PTPN13: variants seen among roughly 807,000 people sequenced by gnomAD.
PTPN13 encodes tyrosine-protein phosphatase non-receptor type 13.
PTPN13 carries 191 observed loss-of-function variants against 284.0 expected under a neutral mutation model. The ratio of observed to expected loss-of-function variants is 0.67; its 90% CI spans 0.60 to 0.76. PTPN13 has a LOEUF of 0.76. Ranked by LOEUF, PTPN13 falls within the 30% of genes least tolerant of loss-of-function variation. The pLI is 0.00. For synonymous variants in PTPN13, 986 were observed against 1,022.3 expected (o/e 0.96, Z 0.68); for missense variants, 2,797 against 2,939.9 (o/e 0.95, Z 1.12).
intron 2 of PTPN13, among the ~76,000 whole-genome samples, chr4:86,641,106 A>T (rs1372837671): frequency 6.6e-6 from 1 of 152,110 alleles, no homozygotes; most frequent in Non-Finnish European, 1.5e-5. Context: ...TTTTTTGTAT[A>T]TTTGATCACA....
At chr4:86,630,247 C>G (rs2148702043) in intron 1 of PTPN13, among the ~76,000 whole-genome samples, 1 of 152,156 alleles carries the variant, frequency 6.6e-6, no homozygotes, top group East Asian at 1.9e-4. Context: ...TTGTATCTGA[C>G]TGACAGAAAA....
chr4:86,793,504 G>A (rs543910930), intron 40 of PTPN13, among the ~76,000 whole-genome samples: 12 of 152,208 alleles, frequency 7.9e-5, no homozygotes, highest in South Asian at 4.1e-4. Context: ...CCAAGTGGAC[G>A]TAATAGATAT....
chr4:86,605,215 A>T (rs993195252), intron 1 of PTPN13, among the ~76,000 whole-genome samples: 2 of 151,968 alleles, frequency 1.3e-5, no homozygotes, highest in Admixed American at 6.6e-5. Flanking sequence ...TGGAGGGTAA[A>T]GGACCAATAG....
chr4:86,616,535 C>T (rs1378001039), intron 1 of PTPN13, among the ~76,000 whole-genome samples: 3 of 116,068 alleles, frequency 2.6e-5, no homozygotes, highest in Non-Finnish European at 5.2e-5. Flanking sequence ...GTATTTAGAT[C>T]GTGGGGCCAT....
At position 86,803,875 on chromosome 4, in the gene PTPN13, A is replaced by G. The variant is rs755032795; in HGVS notation, c.6654+18A>G. 5.6e-6 allele frequency: 9 copies of G among 1,611,770 alleles called. No individual in the cohort carries two copies. Among genetic ancestry groups the G allele is most frequent in the South Asian group, 1.1e-5 (1 of 90,882 alleles). ...AGCTGGAGGTAAGTGGCTTCTGCCA[A>G]TGATTCTCTCCCAAAGTGTATGCAT... On this transcript the variant is annotated intron_variant, in intron 43 of 47. Coordinates refer to ENST00000411767, the MANE Select transcript of PTPN13 (RefSeq NM_080683.3).
At position 86,623,833 on chromosome 4, in the gene PTPN13, T is replaced by C. The variant is rs574312651; in HGVS notation, c.-5-11419T>C. Among the ~76,000 whole-genome samples, 9 of 152,248 alleles carry C rather than the reference T, an allele frequency of 5.9e-5. No homozygotes were observed. In the South Asian group the frequency reaches 1.9e-3, roughly 32 times the overall value. On this transcript the variant is annotated intron_variant, in intron 1 of 47. Transcript: ENST00000411767. The stretch of plus-strand genomic sequence containing the variant: ...ATTGTTATATTTTAAATGTCTACTT[T>C]CTGACTTTCCTGCTATTCCCTAGGC...
chr4:86,780,065 A>C (rs1741117966), intron 35 of PTPN13, among the ~76,000 whole-genome samples: 1 of 152,036 alleles, frequency 6.6e-6, no homozygotes, highest in Admixed American at 6.6e-5. Flanking sequence ...CCCAGAGAAA[A>C]CCTACGTAAA....
chr4:86,701,463 C>A lies in PTPN13; in HGVS notation c.857C>A (p.Pro286His). The change falls in exon 7 of 48, where the codon CCC becomes CAC. Residue 286 changes from proline (P) to histidine (H), a missense_variant. Coordinates refer to ENST00000411767, the MANE Select transcript of PTPN13 (RefSeq NM_080683.3). ...AAAACTAGTGGCCCAGAAAAAAAAC[C>A]CATCCCTGGCATTGATGTGCTTTCT... ...QFKTSGPEKK[P>H]IPGIDVLSKK... 1 of 1,613,756 alleles carries A rather than the reference C, an allele frequency of 6.2e-7. No individual in the cohort carries two copies. Among genetic ancestry groups the A allele is most frequent in the Non-Finnish European group, 8.5e-7 (1 of 1,179,772 alleles).
At chr4:86,662,684 A>T (rs1355140720) in intron 2 of PTPN13, among the ~76,000 whole-genome samples, 1 of 152,226 alleles carries the variant, frequency 6.6e-6, no homozygotes. Context: ...AGAAGTCTGC[A>T]GCTAAAATAT....
intron 1 of PTPN13, among the ~76,000 whole-genome samples, chr4:86,617,005 T>G (rs1720624369): frequency 6.8e-6 from 1 of 147,736 alleles, no homozygotes; most frequent in South Asian, 2.1e-4. Flanking sequence ...TAGGGAGCTG[T>G]GAGCTTGAGT....
intron 7 of PTPN13, among the ~76,000 whole-genome samples, chr4:86,708,145 G>A (rs1037308853): frequency 6.6e-6 from 1 of 152,152 alleles, no homozygotes; most frequent in Admixed American, 6.5e-5. Flanking sequence ...AATGTAGGTA[G>A]TGCAACTGAG....
rs185303084 is a variant in PTPN13 at position 86,764,587 on chromosome 4, G to A, written c.4018-6G>A. ...AAGAAATCTTTGTTTGTTTTTCTTTGTTAAGGAATCTTCCTCTTCAGTGAA... is the reference window on the plus strand; with the variant it reads ...AAGAAATCTTTGTTTGTTTTTCTTTATTAAGGAATCTTCCTCTTCAGTGAA... On this transcript the variant is annotated splice_region_variant and splice_polypyrimidine_tract_variant and intron_variant, in intron 24 of 47. Transcript: ENST00000411767. The A allele has an allele frequency of 2.9e-4, 425 of 1,456,550 alleles. No individual in the cohort carries two copies. The African/African-American group carries it at 5.7e-3, about 20-fold the overall frequency. The allele number at this position is 1,456,550 out of a possible 1,614,324, so 90.2% of individuals were successfully genotyped here.
intron 9 of PTPN13, 24 bp from the exon 10 acceptor site, chr4:86,722,188 A>C: frequency 6.4e-7 from 1 of 1,568,834 alleles, no homozygotes; most frequent in Non-Finnish European, 8.8e-7. Context: ...CCCAATCCTC[A>C]CCTGTCTCCT....
intron 2 of PTPN13, among the ~76,000 whole-genome samples, chr4:86,660,835 T>G (rs1201316858): frequency 1.3e-5 from 2 of 152,200 alleles, no homozygotes; most frequent in Non-Finnish European, 2.9e-5. Context: ...AAAACTATTT[T>G]GACTTCAGAT....
At chr4:86,605,838 G>C (rs367841054) in intron 1 of PTPN13, among the ~76,000 whole-genome samples, 1 of 151,782 alleles carries the variant, frequency 6.6e-6, no homozygotes, top group Non-Finnish European at 1.5e-5. Flanking sequence ...AAGAGATATA[G>C]GTAAAGTTGG....
At chr4:86,598,885 A>C (rs1179268917) in intron 1 of PTPN13, among the ~76,000 whole-genome samples, 2 of 152,090 alleles carry the variant, frequency 1.3e-5, no homozygotes, top group Non-Finnish European at 2.9e-5. Flanking sequence ...CCGCCTCAGC[A>C]TCCTGAATAA....
chr4:86,765,375 T>G lies in PTPN13; in HGVS notation c.4150-20T>G. ...AAATTTTTCATGTTATAAAATATTATTTTGTCTTTTTCTCTTTAGGGAGGT... is the reference window on the plus strand; with the variant it reads ...AAATTTTTCATGTTATAAAATATTAGTTTGTCTTTTTCTCTTTAGGGAGGT... On this transcript the variant is annotated intron_variant, in intron 25 of 47. Coordinates refer to ENST00000411767, the MANE Select transcript of PTPN13 (RefSeq NM_080683.3). 1 of 1,555,674 alleles carries G rather than the reference T, an allele frequency of 6.4e-7. No homozygotes were observed. Among genetic ancestry groups the G allele is most frequent in the Non-Finnish European group, 8.7e-7 (1 of 1,146,602 alleles).
chr4:86,618,704 T>A (rs1287316829), intron 1 of PTPN13, among the ~76,000 whole-genome samples: 1 of 152,238 alleles, frequency 6.6e-6, no homozygotes, highest in Non-Finnish European at 1.5e-5. Flanking sequence ...GAATGGGAGT[T>A]CACTTATGAT....
At chr4:86,624,971 A>G (rs1422748177) in intron 1 of PTPN13, among the ~76,000 whole-genome samples, 2 of 152,144 alleles carry the variant, frequency 1.3e-5, no homozygotes, top group East Asian at 3.8e-4. Context: ...CAGGTATATG[A>G]AGCATTTGAA....
Sources: allele counts gnomAD v4.1 joint callset (sites outside exome capture counted in the v4.1 genomes callset), GRCh38; gene constraint gnomAD v4.1.1; transcripts MANE v1.5; gene names NCBI Gene and HGNC (gene_info 2026-07-23, HGNC 2026-07-21).